FSD2: variants seen among roughly 807,000 people sequenced by gnomAD.
FSD2 encodes the protein fibronectin type III and SPRY domain-containing protein 2.
FSD2 carries 71 observed loss-of-function variants against 80.4 expected under a neutral mutation model. The observed-to-expected ratio is 0.88, with a 90% CI of 0.73 to 1.08. The LOEUF is 1.08. FSD2 is among the 50% of genes least tolerant of loss of function. The pLI is 0.00. For synonymous variants in FSD2, 361 were observed against 329.5 expected (o/e 1.10, Z -1.03); for missense variants, 923 against 913.8 (o/e 1.01, Z -0.13).
rs1208733469 is a variant in FSD2 at position 82,758,992 on chromosome 15, G to A, written c.*356C>T. ...ATGCATGGGTGTACTGGTGCTGCTGGAGCCATTAAGACTACCCTCGTCCTC... is the reference window on the plus strand; with the variant it reads ...ATGCATGGGTGTACTGGTGCTGCTGAAGCCATTAAGACTACCCTCGTCCTC... On this transcript the variant is annotated 3_prime_UTR_variant, in exon 13 of 13. Coordinates refer to ENST00000334574, the MANE Select transcript of FSD2 (RefSeq NM_001007122.4). 5.0e-6 allele frequency: 1 copy of A among 200,420 alleles called. No homozygotes were observed. Among genetic ancestry groups the A allele is most frequent in the African/African-American group, 2.4e-5 (1 of 42,456 alleles). The allele number at this position is 200,420 out of a possible 1,614,324, so 12.4% of individuals were successfully genotyped here.
At position 82,759,617 on chromosome 15, in the gene FSD2, A is replaced by C; in HGVS notation, c.1998-17T>G. ...TACTTATGCCTGAAAATTAAATTTGACATAATAAAGTTTCAGTAATTCTAT... is the reference window on the plus strand; with the variant it reads ...TACTTATGCCTGAAAATTAAATTTGCCATAATAAAGTTTCAGTAATTCTAT... On this transcript the variant is annotated splice_polypyrimidine_tract_variant and intron_variant, in intron 12 of 12. Coordinates refer to ENST00000334574, the MANE Select transcript of FSD2 (RefSeq NM_001007122.4). 6.5e-7 allele frequency: 1 copy of C among 1,533,222 alleles called. No individual in the cohort carries two copies. The highest frequency in any genetic ancestry group is 8.8e-7 in the Non-Finnish European group (1 of 1,136,730). The allele number at this position is 1,533,222 out of a possible 1,614,324, so 95.0% of individuals were successfully genotyped here. A position where few individuals can be genotyped will look rare whatever the true frequency, so the allele number is the denominator to read the frequency against.
At chr15:82,798,374 AG>A (rs748228035) in intron 1 of FSD2, among the ~76,000 whole-genome samples, 3 of 152,274 alleles carry the variant, frequency 2.0e-5, no homozygotes, top group East Asian at 3.9e-4. Flanking sequence ...AACGAAAGGA[AG>A]AAAATTCATG....
At chr15:82,791,281 A>C (rs1333816662) in intron 1 of FSD2, among the ~76,000 whole-genome samples, 3 of 152,142 alleles carry the variant, frequency 2.0e-5, no homozygotes, top group Non-Finnish European at 2.9e-5. Flanking sequence ...TACAGGCGTG[A>C]GCCACCGCAC....
In FSD2 at chr15:82,787,002, T is replaced by C; in HGVS notation, c.389A>G (p.Glu130Gly). The change falls in exon 2 of 13, where the codon GAG becomes GGG. Residue 130 changes from glutamate (E) to glycine (G), a missense_variant. Glu to Gly is a moderately conservative substitution (Grantham distance 98, BLOSUM62 -2). Transcript: ENST00000334574. Reference protein sequence around the residue: ...WRLSGEAAEAEDLGFGGWGSA... With the variant: ...WRLSGEAAEAGDLGFGGWGSA... ...GCCCCACCCTCCGAAGCCCAGGTCC[T>C]CGGCCTCCGCTGCCTCTCCACTAAG... The C allele has an allele frequency of 6.2e-7, 1 of 1,614,034 alleles. No individual in the cohort carries two copies. The highest frequency in any genetic ancestry group is 8.5e-7 in the Non-Finnish European group (1 of 1,179,892).
chr15:82,794,841 C>T (rs1042741658), intron 1 of FSD2, among the ~76,000 whole-genome samples: 1 of 151,928 alleles, frequency 6.6e-6, no homozygotes, highest in African/African-American at 2.4e-5. Flanking sequence ...TCTCCTGCCT[C>T]AGCCTCCCGA....
intron 10 of FSD2, 94 bp downstream of exon 10, chr15:82,765,804 A>G (rs2049402929): frequency 6.9e-7 from 1 of 1,442,950 alleles, no homozygotes; most frequent in Non-Finnish European, 9.3e-7. Context: ...ATCTGTGCAT[A>G]TTCATCAATT....
At chr15:82,764,492 C>CTTTTTTTTTTTTTTTTTT (rs60095355) in intron 11 of FSD2, among the ~76,000 whole-genome samples, 1,161 of 86,048 alleles carry the variant, frequency 0.013, 167 homozygotes, top group African/African-American at 0.029. Flanking sequence ...TCTTTACTTG[C>CTTTTTTTTTTTTTTTTTT]TTTTTTTTTT....
chr15:82,773,827 A>G (rs2049646415), intron 6 of FSD2, among the ~76,000 whole-genome samples: 1 of 152,236 alleles, frequency 6.6e-6, no homozygotes. Context: ...CTAAAGTGAT[A>G]TTGCAAAAGA....
chr15:82,784,135 AGATG>A (rs1350843001), intron 3 of FSD2, among the ~76,000 whole-genome samples: 2 of 152,224 alleles, frequency 1.3e-5, no homozygotes, highest in Non-Finnish European at 2.9e-5. Flanking sequence ...GAAAGGCAAT[AGATG>A]AACTTCCCAG....
chr15:82,774,847 G>A (rs182248027), intron 6 of FSD2, among the ~76,000 whole-genome samples: 1,569 of 151,146 alleles, frequency 0.01, 7 homozygotes, highest in Non-Finnish European at 0.015. Flanking sequence ...TCAGCCTCCC[G>A]AGTAGTTGGG....
intron 1 of FSD2, among the ~76,000 whole-genome samples, chr15:82,788,962 G>C (rs867592182): frequency 4.0e-5 from 6 of 149,238 alleles, no homozygotes; most frequent in Admixed American, 2.0e-4. Flanking sequence ...CTGGGCGACA[G>C]AGCAAGACTC....
chr15:82,770,027 T>G (rs1276537676), intron 7 of FSD2, 143 bp from the exon 8 acceptor site: 8 of 863,590 alleles, frequency 9.3e-6, no homozygotes, highest in Non-Finnish European at 1.2e-5. Context: ...GCAGCATGAC[T>G]TTGCTGCTCC....
chr15:82,787,246 C>G lies in FSD2; in HGVS notation c.145G>C (p.Ala49Pro). ...CCTCTTGACTCATTGGCCATTTCAGCTTGGACTACTTTCCTCATCCTAGTG... is the reference window on the plus strand; with the variant it reads ...CCTCTTGACTCATTGGCCATTTCAGGTTGGACTACTTTCCTCATCCTAGTG... ...ENTRMRKVVQ[A>P]EMANESRGAG... is the part of the protein sequence containing the mutation. The change falls in exon 2 of 13, where the codon GCT becomes CCT. Residue 49 changes from alanine to proline, a missense_variant. Coordinates refer to ENST00000334574, the MANE Select transcript of FSD2 (RefSeq NM_001007122.4). 6.2e-7 allele frequency: 1 copy of G among 1,613,872 alleles called. No homozygotes were observed. Among genetic ancestry groups the G allele is most frequent in the East Asian group, 2.2e-5 (1 of 44,866 alleles).
chr15:82,760,825 C>G (rs1486958961), intron 12 of FSD2, among the ~76,000 whole-genome samples: 2 of 152,072 alleles, frequency 1.3e-5, no homozygotes, highest in Non-Finnish European at 2.9e-5. Flanking sequence ...CTTCTTTTGT[C>G]ATTCTTCTGT....
chr15:82,781,160 C>T (rs1015569892), intron 4 of FSD2, among the ~76,000 whole-genome samples: 4 of 152,300 alleles, frequency 2.6e-5, no homozygotes, highest in South Asian at 2.1e-4. Context: ...TGAATGGAAA[C>T]GCCATCATTT....
At chr15:82,782,227 C>G (rs768360994) in intron 4 of FSD2, among the ~76,000 whole-genome samples, 4 of 149,998 alleles carry the variant, frequency 2.7e-5, no homozygotes, top group Non-Finnish European at 4.4e-5. Flanking sequence ...AACCCCGTCT[C>G]TACTAAAAAT....
At chr15:82,763,897 G>A (rs7183053) in intron 11 of FSD2, among the ~76,000 whole-genome samples, 3,021 of 152,146 alleles carry the variant, frequency 0.02, 100 homozygotes, top group African/African-American at 0.069. Context: ...ATCCTATACC[G>A]CAGACATACC....
At chr15:82,779,582 C>T (rs2049803378) in intron 5 of FSD2, among the ~76,000 whole-genome samples, 1 of 151,458 alleles carries the variant, frequency 6.6e-6, no homozygotes, top group Non-Finnish European at 1.5e-5. Context: ...AGGAGAATCA[C>T]TTGAACCTGG....
chr15:82,765,957 C>A lies in FSD2; in HGVS notation c.1628G>T (p.Arg543Leu). 1 of 1,606,108 alleles carries A rather than the reference C, an allele frequency of 6.2e-7. No homozygotes were observed. Among genetic ancestry groups the A allele is most frequent in the East Asian group, 2.2e-5 (1 of 44,682 alleles). Reference sequence around the variant, plus strand: ...GCTGGGGCCCCCCATATTGAGGGCTCGCACATAGATAATGTAGCTCCGCCC... The same window carrying A: ...GCTGGGGCCCCCCATATTGAGGGCTAGCACATAGATAATGTAGCTCCGCCC... ...QPGRSYIIYVRALNMGGPSVR... is the reference protein window; with the variant it reads ...QPGRSYIIYVLALNMGGPSVR... The change falls in exon 10 of 13, where the codon CGA becomes CTA. Residue 543 changes from arginine (R) to leucine (L), a missense_variant. Physicochemically the swap from Arg to Leu is moderately radical, Grantham distance 102. Coordinates refer to ENST00000334574, the MANE Select transcript of FSD2 (RefSeq NM_001007122.4).
Sources: gnomAD v4.1 joint callset for allele counts (sites outside exome capture counted in the v4.1 genomes callset) on GRCh38, gnomAD v4.1.1 for gene constraint, MANE v1.5 for transcripts, NCBI Gene and HGNC (gene_info 2026-07-23, HGNC 2026-07-21) for gene names.